AGAP1: variants seen among roughly 807,000 people sequenced by gnomAD.
AGAP1 encodes the protein ArfGAP with GTPase domain, ankyrin repeat and PH domain 1, also known as arf-GAP with GTPase, ANK repeat and PH domain-containing protein 1.
In AGAP1, 29 loss-of-function variants were observed where a neutral mutation model predicts 105.3. That is an observed-to-expected ratio of 0.28 (90% CI 0.21 to 0.38). The LOEUF (loss-of-function observed/expected upper bound fraction) is 0.38. AGAP1 is among the 10% of genes least tolerant of loss of function. The pLI, the probability that AGAP1 is intolerant of heterozygous loss-of-function variation, is 1.00. For synonymous variants in AGAP1, 509 were observed against 485.9 expected (o/e 1.05, Z -0.63); for missense variants, 998 against 1,165.1 (o/e 0.86, Z 2.09).
chr2:235,778,676 G>A (rs1956065660), intron 6 of AGAP1, among the ~76,000 whole-genome samples: 1 of 152,206 alleles, frequency 6.6e-6, no homozygotes, highest in African/African-American at 2.4e-5. Flanking sequence ...CTGGGAAACT[G>A]GTGATGATAG....
chr2:235,667,357 G>A (rs570130476), intron 1 of AGAP1, among the ~76,000 whole-genome samples: 1 of 152,184 alleles, frequency 6.6e-6, no homozygotes, highest in African/African-American at 2.4e-5. Flanking sequence ...GAAATGTCAA[G>A]GTAACATTTA....
intron 3 of AGAP1, among the ~76,000 whole-genome samples, 190 bp downstream of exon 3, chr2:235,717,834 T>TATCTGGA (rs1310074263): frequency 3.9e-5 from 6 of 152,240 alleles, no homozygotes; most frequent in African/African-American, 1.4e-4. Context: ...TTCACTTTGA[T>TATCTGGA]ATCTGGAATA....
intron 1 of AGAP1, among the ~76,000 whole-genome samples, chr2:235,688,863 G>T (rs1949599052): frequency 6.6e-6 from 1 of 152,112 alleles, no homozygotes; most frequent in East Asian, 1.9e-4. Flanking sequence ...CTGTTTGAGG[G>T]CCAGAACCAA....
intron 15 of AGAP1, among the ~76,000 whole-genome samples, chr2:236,043,737 G>GT (rs2125691015): frequency 7.2e-6 from 1 of 139,062 alleles, no homozygotes; most frequent in East Asian, 2.7e-4. Flanking sequence ...AAAAAAAAAA[G>GT]TGGGGGGGGT....
At position 236,124,229 on chromosome 2, in the gene AGAP1, C is replaced by T. The variant is rs71423701; in HGVS notation, c.*107C>T. On this transcript the variant is annotated 3_prime_UTR_variant, in exon 18 of 18. Coordinates refer to ENST00000304032, the MANE Select transcript of AGAP1 (RefSeq NM_001037131.3). The surrounding 1 kb of genome is among the most constrained non-coding windows in gnomAD (Gnocchi z 5.1). ...GTCCCGTCGCATCCCCTCCCTCTTCCTGGTGGCCACCTCCCTCCCGCCCAC... is the reference window on the plus strand; with the variant it reads ...GTCCCGTCGCATCCCCTCCCTCTTCTTGGTGGCCACCTCCCTCCCGCCCAC... 1 of 1,255,674 alleles carries T rather than the reference C, an allele frequency of 8.0e-7. No homozygotes were observed. Among genetic ancestry groups the T allele is most frequent in the Non-Finnish European group, 1.1e-6 (1 of 898,576 alleles). The allele number at this position is 1,255,674 out of a possible 1,614,324, so 77.8% of individuals were successfully genotyped here. A position where few individuals can be genotyped will look rare whatever the true frequency, so the allele number is the denominator to read the frequency against.
chr2:235,570,828 C>T (rs982553422), intron 1 of AGAP1, among the ~76,000 whole-genome samples: 1 of 152,172 alleles, frequency 6.6e-6, no homozygotes, highest in African/African-American at 2.4e-5. Flanking sequence ...GGTGATTAGG[C>T]CGGTGCCTGG....
rs998860765 is a variant in AGAP1 at position 235,994,113 on chromosome 2, T to C, written c.1645+25490T>C. ...AGCTTCTAATTCCTCTAGAATATCA[T>C]GCCCAGGTTAGGCACTCTTTCTGTA... On this transcript the variant is annotated intron_variant, in intron 13 of 17. Transcript: ENST00000304032. This position sits in a 1 kb window ranked among gnomAD's most constrained non-coding sequence, Gnocchi z 4.4. 1.3e-5 allele frequency among the ~76,000 whole-genome samples: 2 copies of C among 152,154 alleles called. No individual in the cohort carries two copies. Among genetic ancestry groups the C allele is most frequent in the Non-Finnish European group, 2.9e-5 (2 of 68,016 alleles).
intron 1 of AGAP1, among the ~76,000 whole-genome samples, chr2:235,643,431 C>CA (rs56146940): frequency 0.024 from 1,467 of 61,384 alleles, 89 homozygotes; most frequent in East Asian, 0.037. Flanking sequence ...GACTGGGTCT[C>CA]AAAAAAAAAA....
rs530486547 is a variant in AGAP1, at chr2:235,610,167, G to T, written c.164-99012G>T. Among the ~76,000 whole-genome samples, 1 of 152,298 alleles carries T rather than the reference G, an allele frequency of 6.6e-6. No homozygotes were observed. Among genetic ancestry groups the T allele is most frequent in the African/African-American group, 2.4e-5 (1 of 41,568 alleles). ...CAGCCCAGCTCCTGGCTTCTGATCT[G>T]TGTTGACTGCTACCCGATAGAGCCA... On this transcript the variant is annotated intron_variant, in intron 1 of 17. Transcript: ENST00000304032. The surrounding 1 kb of genome is among the most constrained non-coding windows in gnomAD (Gnocchi z 4.9).
intron 13 of AGAP1, among the ~76,000 whole-genome samples, chr2:236,025,413 C>T (rs2057019785): frequency 6.6e-6 from 1 of 152,098 alleles, no homozygotes; most frequent in Non-Finnish European, 1.5e-5. Context: ...TGTGCTGCAG[C>T]CCTTCGGGGC....
Position 235,609,719 on chromosome 2 carries a change from T to G in AGAP1, c.164-99460T>G, listed in dbSNP as rs1367051677. Among the ~76,000 whole-genome samples, 1 of 152,022 alleles carries G rather than the reference T, an allele frequency of 6.6e-6. No homozygotes were observed. Among genetic ancestry groups the G allele is most frequent in the Non-Finnish European group, 1.5e-5 (1 of 68,008 alleles). On this transcript the variant is annotated intron_variant, in intron 1 of 17. Transcript: ENST00000304032. The surrounding 1 kb of genome is among the most constrained non-coding windows in gnomAD (Gnocchi z 5.1). ...GGAGGAACAGGAGCTCTGGAGGTCT[T>G]CTGTTTGCTGTTGTATGCTGTGGCT...
rs1426468745 is a variant in AGAP1, at chr2:235,494,651, C to T, written c.-36C>T. The T allele has an allele frequency of 1.9e-6, 2 of 1,040,834 alleles. No homozygotes were observed. Among genetic ancestry groups the T allele is most frequent in the Non-Finnish European group, 2.3e-6 (2 of 855,862 alleles). The allele number at this position is 1,040,834 out of a possible 1,614,324, so 64.5% of individuals were successfully genotyped here. A position where few individuals can be genotyped will look rare whatever the true frequency, so the allele number is the denominator to read the frequency against. On this transcript the variant is annotated 5_prime_UTR_variant, in exon 1 of 18. Transcript: ENST00000304032. Reference sequence around the variant, plus strand: ...GCCCCGGGGCGCGGGGCGGCGGCGGCGGGGGGCGCGCGGCTCCGGGCGCGG... The same window carrying T: ...GCCCCGGGGCGCGGGGCGGCGGCGGTGGGGGGCGCGCGGCTCCGGGCGCGG...
chr2:235,642,923 T>C lies in AGAP1; in HGVS notation c.164-66256T>C, dbSNP rs1947246237. 6.6e-6 allele frequency among the ~76,000 whole-genome samples: 1 copy of C among 152,162 alleles called. No individual in the cohort carries two copies. Among genetic ancestry groups the C allele is most frequent in the Non-Finnish European group, 1.5e-5 (1 of 68,024 alleles). On this transcript the variant is annotated intron_variant, in intron 1 of 17. Coordinates refer to ENST00000304032, the MANE Select transcript of AGAP1 (RefSeq NM_001037131.3). This position sits in a 1 kb window ranked among gnomAD's most constrained non-coding sequence, Gnocchi z 4.1. ...GCCGCCTGTCTGTAATGTGCTGCCA[T>C]GACAAGGCACGGTGGTGGTGGGGAC... is the stretch of plus-strand genomic sequence containing the variant.
At chr2:235,527,915 A>T (rs554133062) in intron 1 of AGAP1, among the ~76,000 whole-genome samples, 2 of 152,208 alleles carry the variant, frequency 1.3e-5, no homozygotes, top group African/African-American at 4.8e-5. Flanking sequence ...TAGCAATATC[A>T]TAAGTAGAGC....
At chr2:235,783,954 A>AAAATG (rs541116183) in intron 6 of AGAP1, among the ~76,000 whole-genome samples, 5 of 150,958 alleles carry the variant, frequency 3.3e-5, no homozygotes, top group Non-Finnish European at 7.4e-5. Context: ...ATTGCATCAG[A>AAAATG]AAATGAAATG....
chr2:235,680,916 A>G (rs1949030896), intron 1 of AGAP1, among the ~76,000 whole-genome samples: 1 of 152,130 alleles, frequency 6.6e-6, no homozygotes, highest in African/African-American at 2.4e-5. Flanking sequence ...TAAGATGATC[A>G]TGCTCACAGC....
At chr2:235,500,964 A>G (rs1382316700) in intron 1 of AGAP1, among the ~76,000 whole-genome samples, 5 of 152,158 alleles carry the variant, frequency 3.3e-5, no homozygotes, top group Middle Eastern at 3.2e-3. Context: ...CCCCCAAACA[A>G]CCACCACCCA....
rs1300595660 is a variant in AGAP1, at chr2:235,747,166, C to G, written c.538+2327C>G. Among the ~76,000 whole-genome samples the G allele has an allele frequency of 2.0e-5, 3 of 152,144 alleles. No individual in the cohort carries two copies. Among genetic ancestry groups the G allele is most frequent in the African/African-American group, 7.2e-5 (3 of 41,442 alleles). On this transcript the variant is annotated intron_variant, in intron 5 of 17. Coordinates refer to ENST00000304032, the MANE Select transcript of AGAP1 (RefSeq NM_001037131.3). This position sits in a 1 kb window ranked among gnomAD's most constrained non-coding sequence, Gnocchi z 5.0. ...GCCTGGAATCCTGAACCCCACCCCC[C>G]ACTGTCCCTGCCCCTGGAGGCAGCG...
intron 11 of AGAP1, among the ~76,000 whole-genome samples, chr2:235,921,225 A>G (rs1227133268): frequency 1.3e-5 from 2 of 152,226 alleles, no homozygotes; most frequent in Non-Finnish European, 2.9e-5. Context: ...GATATAAATT[A>G]TCTACATTAA....
Sources: gnomAD v4.1 joint callset for allele counts (sites outside exome capture counted in the v4.1 genomes callset) on GRCh38, gnomAD v4.1.1 for gene constraint, Gnocchi (gnomAD v3.1) non-coding constraint, MANE v1.5 for transcripts, NCBI Gene and HGNC (gene_info 2026-07-23, HGNC 2026-07-21) for gene names.